The following GMEB2 variants were observed in gnomAD, a reference collection of about 807,000 sequenced individuals.
GMEB2 encodes the protein glucocorticoid modulatory element-binding protein 2.
Under a neutral mutation model 45.7 loss-of-function variants are expected in GMEB2, and 7 were observed. The ratio of observed to expected loss-of-function variants is 0.15; its 90% confidence interval spans 0.09 to 0.29. The LOEUF (loss-of-function observed/expected upper bound fraction) is 0.29. Among genes scored for constraint, GMEB2 ranks in the 10% least tolerant of loss-of-function variants. The pLI, the probability that GMEB2 is intolerant of heterozygous loss-of-function variation, is 1.00. For synonymous variants in GMEB2, 322 were observed against 323.6 expected (o/e 1.00, Z 0.05); for missense variants, 582 against 739.2 (o/e 0.79, Z 2.47).
At chr20:63,591,409 C>T (rs369455116) in intron 9 of GMEB2, among the ~76,000 whole-genome samples, 1 of 152,150 alleles carries the variant, frequency 6.6e-6, no homozygotes, top group African/African-American at 2.4e-5. Flanking sequence ...ATGGAGGAAA[C>T]GCACCAATAT....
At position 63,589,128 on chromosome 20, in the gene GMEB2, A is replaced by G. The variant is rs2083120094; in HGVS notation, c.*961T>C. 2 of 398,474 alleles carry G rather than the reference A, an allele frequency of 5.0e-6. No homozygotes were observed. The highest frequency in any genetic ancestry group is 8.8e-6 in the Non-Finnish European group (2 of 226,078). The allele number at this position is 398,474 out of a possible 1,614,324, so 24.7% of individuals were successfully genotyped here. On this transcript the variant is annotated 3_prime_UTR_variant, in exon 10 of 10. Transcript: ENST00000370077. The stretch of plus-strand genomic sequence containing the variant: ...TGAAGGGCCCACATGGGAATCCTCG[A>G]CCTCCATAGTGACTGGTTCTGTTTA...
Position 63,592,937 on chromosome 20 carries a change from T to G in GMEB2, c.691+74A>C. 1 of 990,070 alleles carries G rather than the reference T, an allele frequency of 1.0e-6. No individual in the cohort carries two copies. Among genetic ancestry groups the G allele is most frequent in the East Asian group, 2.6e-5 (1 of 39,192 alleles). 61.3% of individuals were successfully genotyped at this position (990,070 alleles called of 1,614,324 possible). A position where few individuals can be genotyped will look rare whatever the true frequency, so the allele number is the denominator to read the frequency against. On this transcript the variant is annotated intron_variant, in intron 7 of 9. Coordinates refer to ENST00000370077, the MANE Select transcript of GMEB2 (RefSeq NM_012384.5). This position sits in a 1 kb window ranked among gnomAD's most constrained non-coding sequence, Gnocchi z 8.2. ...CCCACCTGGACTCCTGGAGCCCCTG[T>G]GTGGCCCGAGGTGGGCAGAGACTCC...
At chr20:63,594,667 T>C (rs2083178621) in intron 6 of GMEB2, among the ~76,000 whole-genome samples, 1 of 152,204 alleles carries the variant, frequency 6.6e-6, no homozygotes, top group African/African-American at 2.4e-5. Flanking sequence ...TTAGGGACAA[T>C]GCATGTGGCA....
intron 3 of GMEB2, 147 bp from the exon 4 acceptor site, chr20:63,603,239 G>T: frequency 1.3e-6 from 1 of 769,992 alleles, no homozygotes; most frequent in Non-Finnish European, 2.1e-6. Flanking sequence ...AGCCAAGGTG[G>T]GCAGGGCATG....
intron 4 of GMEB2, among the ~76,000 whole-genome samples, 172 bp from the exon 5 acceptor site, chr20:63,598,032 C>T (rs535571098): frequency 6.6e-6 from 1 of 152,310 alleles, no homozygotes; most frequent in South Asian, 2.1e-4. Flanking sequence ...ACATGACCCA[C>T]AGGCACGGTG....
At chr20:63,609,102 T>C in intron 2 of GMEB2, among the ~76,000 whole-genome samples, 1 of 110,818 alleles carries the variant, frequency 9.0e-6, no homozygotes, top group Non-Finnish European at 2.0e-5. Context: ...CATGCCCCTC[T>C]GACCCACCTC....
intron 4 of GMEB2, among the ~76,000 whole-genome samples, chr20:63,598,125 C>T (rs1371402551): frequency 6.6e-6 from 1 of 152,182 alleles, no homozygotes; most frequent in Non-Finnish European, 1.5e-5. Flanking sequence ...CTGGGCTGAC[C>T]ACACCAGGTA....
chr20:63,601,982 G>A (rs1403550967), intron 4 of GMEB2, among the ~76,000 whole-genome samples: 2 of 151,530 alleles, frequency 1.3e-5, no homozygotes, highest in Non-Finnish European at 2.9e-5. Context: ...TGTGGCTTCT[G>A]TGGGGCCTGT....
At chr20:63,616,998 T>C (rs1183472191) in intron 2 of GMEB2, among the ~76,000 whole-genome samples, 4 of 151,592 alleles carry the variant, frequency 2.6e-5, no homozygotes, top group African/African-American at 9.7e-5. Flanking sequence ...TTTTGGAGAC[T>C]GGGTCTCACT....
intron 4 of GMEB2, among the ~76,000 whole-genome samples, chr20:63,601,736 C>A (rs1389819374): frequency 6.6e-6 from 1 of 152,232 alleles, no homozygotes; most frequent in African/African-American, 2.4e-5. Context: ...CCTTAAAACC[C>A]CAACAGCCGA....
intron 5 of GMEB2, 46 bp from the exon 6 acceptor site, chr20:63,595,813 G>A (rs758149552): frequency 1.1e-5 from 17 of 1,592,078 alleles, no homozygotes; most frequent in South Asian, 5.5e-5. Context: ...CCCCAGAGCC[G>A]AAGGCACCTG....
chr20:63,596,908 C>T (rs1345895899), intron 5 of GMEB2, among the ~76,000 whole-genome samples: 1 of 152,018 alleles, frequency 6.6e-6, no homozygotes, highest in East Asian at 1.9e-4. Flanking sequence ...AACCCAGCTA[C>T]TGGGGAGGGT....
Position 63,589,926 on chromosome 20 carries a change from C to T in GMEB2, c.*163G>A, listed in dbSNP as rs139123869. On this transcript the variant is annotated 3_prime_UTR_variant, in exon 10 of 10. Coordinates refer to ENST00000370077, the MANE Select transcript of GMEB2 (RefSeq NM_012384.5). ...CCAGGTTGCTCTCGCTGTTCTGTCCCCTTCTCTCTTCTCGTGATTTGTTTT... is the reference window on the plus strand; with the variant it reads ...CCAGGTTGCTCTCGCTGTTCTGTCCTCTTCTCTCTTCTCGTGATTTGTTTT... 11 of 518,690 alleles carry T rather than the reference C, an allele frequency of 2.1e-5. No individual in the cohort carries two copies. The highest frequency in any genetic ancestry group is 1.9e-4 in the Admixed American group (5 of 26,696). 32.1% of individuals were successfully genotyped at this position (518,690 alleles called of 1,614,324 possible). A position where few individuals can be genotyped will look rare whatever the true frequency, so the allele number is the denominator to read the frequency against.
At chr20:63,625,953 G>A (rs1437067752) in intron 1 of GMEB2, among the ~76,000 whole-genome samples, 1 of 152,216 alleles carries the variant, frequency 6.6e-6, no homozygotes, top group Non-Finnish European at 1.5e-5. Context: ...TGATGTAATT[G>A]AAACTGTTGT....
chr20:63,624,601 C>T lies in GMEB2; in HGVS notation c.-58+2355G>A, dbSNP rs530043894. The stretch of plus-strand genomic sequence containing the variant: ...CAGAGAGCTGCAAAGAGGCAACAGC[C>T]TCACTGCAGGCAGGGGTCCTCGTCA... On this transcript the variant is annotated intron_variant, in intron 1 of 9. Coordinates refer to ENST00000370077, the MANE Select transcript of GMEB2 (RefSeq NM_012384.5). Among the ~76,000 whole-genome samples the T allele has an allele frequency of 2.6e-5, 4 of 152,314 alleles. No homozygotes were observed. In the East Asian group the frequency reaches 7.7e-4, roughly 29 times the overall value.
At chr20:63,622,239 A>G (rs973372671) in intron 1 of GMEB2, among the ~76,000 whole-genome samples, 1 of 152,234 alleles carries the variant, frequency 6.6e-6, no homozygotes, top group Non-Finnish European at 1.5e-5. Flanking sequence ...GGACTGTAAC[A>G]AACAAGTGTG....
At position 63,590,429 on chromosome 20, in the gene GMEB2, G is replaced by T. The variant is rs774157340; in HGVS notation, c.1253C>A (p.Pro418His). ...TVLGKGSLQA[P>H]PASSPASPLL... ...CGGGGAGGCCGGGGAGCTGGCGGGG[G>T]GCGCCTGAAGGGAACCCTTGCCCAG... Residue 418 changes from proline (P) to histidine (H), a missense_variant, in exon 10 of 10, where the codon CCC becomes CAC. Around this residue, in one of 3 missense-constraint regions of GMEB2, gnomAD observed 462 missense variants for 586.7 expected, o/e 0.79. Coordinates refer to ENST00000370077, the MANE Select transcript of GMEB2 (RefSeq NM_012384.5). 6 of 1,551,104 alleles carry T rather than the reference G, an allele frequency of 3.9e-6. No homozygotes were observed. In the African/African-American group the frequency reaches 8.1e-5, roughly 21 times the overall value.
At chr20:63,622,172 C>A (rs1165640417) in intron 1 of GMEB2, among the ~76,000 whole-genome samples, 1 of 152,058 alleles carries the variant, frequency 6.6e-6, no homozygotes, top group African/African-American at 2.4e-5. Context: ...AAAATAAAAT[C>A]TTCCAGAACT....
intron 2 of GMEB2, among the ~76,000 whole-genome samples, chr20:63,611,955 C>CT (rs2089574191): frequency 6.6e-6 from 1 of 151,974 alleles, no homozygotes; most frequent in South Asian, 2.1e-4. Flanking sequence ...ACTCAGGAGG[C>CT]TGAGGCAGGA....
Sources: allele counts gnomAD v4.1 joint callset (sites outside exome capture counted in the v4.1 genomes callset), GRCh38; gene constraint gnomAD v4.1.1; regional missense constraint gnomAD v4.1.1; non-coding constraint Gnocchi (gnomAD v3.1); transcripts MANE v1.5; gene names NCBI Gene and HGNC (gene_info 2026-07-23, HGNC 2026-07-21).